MYO16: variants seen among roughly 807,000 people sequenced by gnomAD.
MYO16 encodes unconventional myosin-XVI.
A neutral mutation model predicts 205.3 loss-of-function variants in MYO16; 94 were observed. That is an observed-to-expected ratio of 0.46 (90% confidence interval 0.39 to 0.54). The LOEUF is 0.54. Among genes scored for constraint, MYO16 ranks in the 20% least tolerant of loss-of-function variants. MYO16 has a pLI of 0.00. For synonymous variants in MYO16, 988 were observed against 954.0 expected, an observed-to-expected ratio of 1.04 and a Z score of -0.66; for missense variants, 2,315 against 2,387.5, an observed-to-expected ratio of 0.97 and a Z score of 0.63.
At position 108,832,428 on chromosome 13, in the gene MYO16, C is replaced by T. The variant is rs183122610; in HGVS notation, c.1097+9150C>T. ...AAGTGCTAGGATTACAGGCGTGAGC[C>T]ACCGTGCCCAGCCCCATGTGGATTT... On this transcript the variant is annotated intron_variant, in intron 9 of 34. Coordinates refer to ENST00000457511, the MANE Select transcript of MYO16 (RefSeq NM_001198950.3). Among the ~76,000 whole-genome samples, 74 of 152,204 alleles carry T rather than the reference C, an allele frequency of 4.9e-4. 1 individual carries two copies. The East Asian group carries it at 9.3e-3, about 19-fold the overall frequency.
intron 9 of MYO16, among the ~76,000 whole-genome samples, chr13:108,843,192 A>G (rs1291567913): frequency 2.6e-5 from 4 of 151,910 alleles, no homozygotes; most frequent in Non-Finnish European, 5.9e-5. Flanking sequence ...TAATTAATAG[A>G]ATTGTAGTTG....
chr13:108,950,445 G>A (rs1341781118), intron 16 of MYO16, among the ~76,000 whole-genome samples: 1 of 152,144 alleles, frequency 6.6e-6, no homozygotes, highest in Non-Finnish European at 1.5e-5. Context: ...GAAAGGTGTT[G>A]AGTGTTATTA....
At chr13:108,587,204 T>A in the MYO16 span, among the ~76,000 whole-genome samples, 2 of 152,176 alleles carry the variant, frequency 1.3e-5, no homozygotes, top group South Asian at 4.1e-4. Flanking sequence ...AGGAAGCAAG[T>A]GGTCAGTTAA....
At chr13:108,994,872 C>CAA (rs1208824095) in intron 21 of MYO16, among the ~76,000 whole-genome samples, 13 of 152,138 alleles carry the variant, frequency 8.5e-5, no homozygotes, top group Non-Finnish European at 4.4e-5. Context: ...GAATAAATGA[C>CAA]AATTGTTCCT....
At chr13:108,535,945 A>T in the MYO16 span, among the ~76,000 whole-genome samples, 1 of 152,142 alleles carries the variant, frequency 6.6e-6, no homozygotes. Context: ...GATAAAAGAA[A>T]ACTTCACTTT....
At chr13:109,169,404 G>A (rs1215423536) in intron 33 of MYO16, among the ~76,000 whole-genome samples, 1 of 152,098 alleles carries the variant, frequency 6.6e-6, no homozygotes, top group African/African-American at 2.4e-5. Context: ...AGGAAGGAAA[G>A]AGAAAGTTGT....
At position 108,598,882 on chromosome 13, in the gene MYO16, A is replaced by T. The variant is rs182352999; in HGVS notation, c.-39+2643A>T. Among the ~76,000 whole-genome samples the T allele has an allele frequency of 8.4e-4, 127 of 151,474 alleles. No homozygotes were observed. In the East Asian group the frequency reaches 0.024, roughly 28 times the overall value. On this transcript the variant is annotated intron_variant, in intron 1 of 24. Coordinates refer to the MYO16 transcript ENST00000251041. ...TTTATTATACTTTAAGTTTTAGGGT[A>T]CATGTGCACAATGTGCCAGTTAGTT...
chr13:108,853,682 AAACCCAAACCCCTAGGTTTAAAT>A (rs1878009553), intron 10 of MYO16, among the ~76,000 whole-genome samples: 1 of 149,970 alleles, frequency 6.7e-6, no homozygotes, highest in Admixed American at 6.7e-5. Context: ...CGGCAGCCTC[AAACCCAAACCCCTAGGTTTAAAT>A]AACCCAAACC....
At chr13:108,818,212 C>G (rs918839853) in intron 7 of MYO16, among the ~76,000 whole-genome samples, 3 of 151,678 alleles carry the variant, frequency 2.0e-5, no homozygotes, top group Non-Finnish European at 4.4e-5. Flanking sequence ...GACAAAACCC[C>G]AACTCTATTA....
chr13:108,527,196 G>A, the MYO16 span, among the ~76,000 whole-genome samples: 1,522 of 152,126 alleles, frequency 0.01, 14 homozygotes, highest in Non-Finnish European at 0.015. Context: ...CATAAACACA[G>A]TCCCTGGAAC....
At chr13:108,829,179 T>C (rs1876461958) in intron 9 of MYO16, among the ~76,000 whole-genome samples, 1 of 152,172 alleles carries the variant, frequency 6.6e-6, no homozygotes, top group African/African-American at 2.4e-5. Context: ...GCGGTTAGCA[T>C]AATTGTACTG....
chr13:108,662,331 G>A (rs753190145), intron 1 of MYO16, among the ~76,000 whole-genome samples: 4 of 152,144 alleles, frequency 2.6e-5, no homozygotes, highest in Non-Finnish European at 4.4e-5. Flanking sequence ...GGCAGTGGAC[G>A]GAACCCTAGA....
At chr13:109,091,068 G>T (rs535845339) in intron 27 of MYO16, among the ~76,000 whole-genome samples, 1 of 152,176 alleles carries the variant, frequency 6.6e-6, no homozygotes, top group Admixed American at 6.5e-5. Context: ...TCACCCTTCC[G>T]CACCTGCTTT....
At chr13:109,165,320 TA>T (rs1878604910) in intron 33 of MYO16, among the ~76,000 whole-genome samples, 1 of 152,206 alleles carries the variant, frequency 6.6e-6, no homozygotes, top group Non-Finnish European at 1.5e-5. Flanking sequence ...AAATTAGTCT[TA>T]TACTGAGCAG....
chr13:108,948,781 A>C (rs970390842), intron 16 of MYO16, among the ~76,000 whole-genome samples: 5 of 152,224 alleles, frequency 3.3e-5, no homozygotes, highest in African/African-American at 1.2e-4. Flanking sequence ...GATTTAGTCC[A>C]TGGCTTAATC....
chr13:109,006,335 G>T (rs1191072523), intron 21 of MYO16, among the ~76,000 whole-genome samples: 7 of 152,108 alleles, frequency 4.6e-5, no homozygotes, highest in Non-Finnish European at 1.0e-4. Flanking sequence ...CGCCTCCCAG[G>T]TTCAAGCGAT....
Position 108,992,232 on chromosome 13 carries a change from C to T in MYO16, c.2370-144C>T, listed in dbSNP as rs1884859868. On this transcript the variant is annotated intron_variant, in intron 20 of 34. Coordinates refer to ENST00000457511, the MANE Select transcript of MYO16 (RefSeq NM_001198950.3). Reference sequence around the variant, plus strand: ...ACTTTCAGAGTTTTTTTTAATGAGACTCTAAAATAATTATTTCACATTTTT... The same window carrying T: ...ACTTTCAGAGTTTTTTTTAATGAGATTCTAAAATAATTATTTCACATTTTT... 4 of 516,954 alleles carry T rather than the reference C, an allele frequency of 7.7e-6. No homozygotes were observed. In the South Asian group the frequency reaches 1.5e-4, roughly 20 times the overall value. 32.0% of individuals were successfully genotyped at this position (516,954 alleles called of 1,614,324 possible). A position where few individuals can be genotyped will look rare whatever the true frequency, so the allele number is the denominator to read the frequency against.
intron 34 of MYO16, among the ~76,000 whole-genome samples, chr13:109,191,238 T>C (rs1223479413): frequency 2.0e-5 from 3 of 151,850 alleles, no homozygotes; most frequent in Non-Finnish European, 4.4e-5. Context: ...AAAAATTGAA[T>C]TTTCAAAGGC....
In MYO16 at chr13:108,866,032, A is replaced by G; in HGVS notation, c.1360-145A>G. On this transcript the variant is annotated intron_variant, in intron 11 of 34. Transcript: ENST00000457511. The stretch of plus-strand genomic sequence containing the variant: ...AAATTCCAAACTTTAAAAAAATTGC[A>G]AAATATTAAAAAATAGCAAAATACT... The G allele has an allele frequency of 8.5e-6, 4 of 469,632 alleles. No individual in the cohort carries two copies. In the East Asian group the frequency reaches 1.5e-4, roughly 17 times the overall value. 29.1% of individuals were successfully genotyped at this position (469,632 alleles called of 1,614,324 possible).
Sources: allele counts gnomAD v4.1 joint callset (sites outside exome capture counted in the v4.1 genomes callset), GRCh38; gene constraint gnomAD v4.1.1; transcripts MANE v1.5; gene names NCBI Gene and HGNC (gene_info 2026-07-23, HGNC 2026-07-21).